The following NLRP5 variants were observed in gnomAD, a reference collection of about 807,000 sequenced individuals.
NLRP5 encodes the protein NACHT, LRR and PYD domains-containing protein 5.
Under a neutral mutation model 113.1 loss-of-function variants are expected in NLRP5, and 93 were observed. That is an observed-to-expected ratio of 0.82 (90% CI 0.70 to 0.98). The LOEUF (loss-of-function observed/expected upper bound fraction) is 0.98, where lower values mean the gene tolerates loss of function less well. Ranked by LOEUF, NLRP5 falls within the 50% of genes least tolerant of loss-of-function variation. The pLI, the probability that NLRP5 is intolerant of heterozygous loss-of-function variation, is 0.00. For synonymous variants in NLRP5, 751 were observed against 600.7 expected (o/e 1.25, Z -3.66); for missense variants, 1,808 against 1,514.3 (o/e 1.19, Z -3.22).
intron 13 of NLRP5, 47 bp from the exon 14 acceptor site, chr19:56,058,175 ACGGGTTGAATGAAGGGTC>A: frequency 8.3e-7 from 1 of 1,209,004 alleles, no homozygotes; most frequent in Non-Finnish European, 1.1e-6. Context: ...TGAAATTCAT[ACGGGTTGAATGAAGGGTC>A]CATCATCGAT....
chr19:56,017,380 GTTATA>G (rs75771208), intron 4 of NLRP5, among the ~76,000 whole-genome samples: 36,649 of 151,670 alleles, frequency 0.24, 4,777 homozygotes, highest in East Asian at 0.4. Flanking sequence ...AAGGTGGGAA[GTTATA>G]TTATATTTCA....
intron 3 of NLRP5, among the ~76,000 whole-genome samples, chr19:56,012,078 A>G (rs996895149): frequency 6.6e-6 from 1 of 152,112 alleles, no homozygotes; most frequent in Non-Finnish European, 1.5e-5. Flanking sequence ...ATGTATTATG[A>G]TGCTCAAGAC....
intron 2 of NLRP5, among the ~76,000 whole-genome samples, chr19:56,005,093 C>CAAAAA (rs1163132309): frequency 1.3e-5 from 1 of 76,430 alleles, no homozygotes; most frequent in African/African-American, 5.3e-5. Context: ...GACTGTGTCT[C>CAAAAA]AAAAAAAAAA....
chr19:56,032,203 T>A (rs1482264262), intron 7 of NLRP5, among the ~76,000 whole-genome samples: 3 of 150,468 alleles, frequency 2.0e-5, no homozygotes, highest in African/African-American at 7.3e-5. Flanking sequence ...AAATTAGCTG[T>A]GCATGATGGC....
chr19:56,028,885 C>G (rs1461915541), intron 7 of NLRP5, among the ~76,000 whole-genome samples: 1 of 152,156 alleles, frequency 6.6e-6, no homozygotes, highest in Non-Finnish European at 1.5e-5. Context: ...CTGCCTCAGG[C>G]TGCCGAGGAG....
Position 56,003,938 on chromosome 19 carries a change from T to C in NLRP5, c.285T>C (p.Ser95=). The change falls in exon 2 of 15, where the codon TCT becomes TCC. Residue 95 remains serine (S), a synonymous_variant. Coordinates refer to ENST00000390649, the MANE Select transcript of NLRP5 (RefSeq NM_153447.4). ...AATCTTCAGAATCGACCACATGCTC[T>C]ATTCCACAGTTTGAAATCGAGAATG... 1.9e-6 allele frequency: 3 copies of C among 1,614,026 alleles called. No individual in the cohort carries two copies.
chr19:55,992,855 CT>C, the NLRP5 span, among the ~76,000 whole-genome samples: 128,880 of 150,028 alleles, frequency 0.86, 55,577 homozygotes, highest in African/African-American at 0.95. Context: ...TTTATGGAGA[CT>C]TTTTTTTTTT....
chr19:56,020,071 G>A (rs55761271), intron 5 of NLRP5, among the ~76,000 whole-genome samples: 4,290 of 151,770 alleles, frequency 0.028, 285 homozygotes, highest in African/African-American at 0.098. Context: ...TCGTGACCTC[G>A]GCTGCCCACC....
upstream of NLRP5, among the ~76,000 whole-genome samples, chr19:55,998,692 A>ATATGTGTGTG (rs1555762413): frequency 1.9e-5 from 1 of 51,504 alleles, no homozygotes; most frequent in African/African-American, 6.4e-5. Context: ...ATATATATAT[A>ATATGTGTGTG]TATATATATA....
Position 56,053,723 on chromosome 19 carries a change from C to G in NLRP5, c.3214C>G (p.Leu1072Val), listed in dbSNP as rs1984019841. Residue 1072 changes from leucine (L) to valine (V), a missense_variant, in exon 13 of 15, where the codon CTC becomes GTC. Transcript: ENST00000390649. ...GAGCAGACACCTGAAGAGCCTGGAT[C>G]TCACGGACAATGCCCTGGGTGACGG... 1 of 1,613,974 alleles carries G rather than the reference C, an allele frequency of 6.2e-7. No individual in the cohort carries two copies. The highest frequency in any genetic ancestry group is 8.5e-7 in the Non-Finnish European group (1 of 1,179,886).
At chr19:56,007,961 C>A (rs567349381) in intron 2 of NLRP5, among the ~76,000 whole-genome samples, 1 of 127,410 alleles carries the variant, frequency 7.8e-6, no homozygotes. Context: ...CTCTGTCGCC[C>A]AGGCTGGGCT....
chr19:56,044,903 C>T lies in NLRP5; in HGVS notation c.2957+3811C>T, dbSNP rs145271630. On this transcript the variant is annotated intron_variant, in intron 11 of 14. Coordinates refer to ENST00000390649, the MANE Select transcript of NLRP5 (RefSeq NM_153447.4). Reference sequence around the variant, plus strand: ...TCTTTCAGCAATGTTTTGTAGTTTTCCTTGTAGAGGTCTTTTACCTCCTTG... The same window carrying T: ...TCTTTCAGCAATGTTTTGTAGTTTTTCTTGTAGAGGTCTTTTACCTCCTTG... 2.4e-3 allele frequency among the ~76,000 whole-genome samples: 360 copies of T among 152,244 alleles called. 8 individuals are homozygous for T. The East Asian group carries it at 0.054, about 23-fold the overall frequency.
rs140570438 is a variant in NLRP5, at chr19:56,007,869, T to TTGTG, written c.443-902_443-899dup. ...ATGCTTCCAAAGTGTACAAGACAGTTTGTGTGTGTGTGTGTGTGTGCGCGT... is the reference window on the plus strand; with the variant it reads ...ATGCTTCCAAAGTGTACAAGACAGTTTGTGTGTGTGTGTGTGTGTGTGTGCGCGT... On this transcript the variant is annotated intron_variant, in intron 2 of 14. Transcript: ENST00000390649. Among the ~76,000 whole-genome samples, 122 of 85,984 alleles carry TTGTG rather than the reference T, an allele frequency of 1.4e-3. 11 individuals are homozygous for TTGTG. The highest frequency in any genetic ancestry group is 3.7e-3 in the African/African-American group (89 of 23,904). 56.4% of individuals were successfully genotyped at this position (85,984 alleles called of 152,430 possible).
At chr19:56,022,431 G>A (rs1047579039) in intron 6 of NLRP5, among the ~76,000 whole-genome samples, 1 of 152,080 alleles carries the variant, frequency 6.6e-6, no homozygotes, top group African/African-American at 2.4e-5. Flanking sequence ...GTCTCGCTAT[G>A]TTGCTCAGTC....
upstream of NLRP5, among the ~76,000 whole-genome samples, chr19:55,998,214 A>AGGTGTGG (rs2123256302): frequency 6.6e-6 from 1 of 152,040 alleles, no homozygotes; most frequent in South Asian, 2.1e-4. Context: ...ATAAGAAACC[A>AGGTGTGG]GGTGTGGGGT....
intron 13 of NLRP5, among the ~76,000 whole-genome samples, chr19:56,054,296 G>A (rs569044866): frequency 2.6e-5 from 4 of 152,262 alleles, no homozygotes; most frequent in Admixed American, 6.5e-5. Flanking sequence ...AGGGGCTCAC[G>A]CCTGTAACAC....
chr19:56,047,035 A>C (rs960686381), intron 11 of NLRP5, among the ~76,000 whole-genome samples: 1 of 141,430 alleles, frequency 7.1e-6, no homozygotes, highest in Non-Finnish European at 1.5e-5. Context: ...TATGTGCATA[A>C]AGGTGTTCCT....
intron 6 of NLRP5, among the ~76,000 whole-genome samples, chr19:56,024,108 G>A (rs1006464977): frequency 1.3e-5 from 2 of 152,050 alleles, no homozygotes; most frequent in African/African-American, 4.8e-5. Flanking sequence ...GTTGAAGTTT[G>A]TGATAAATGT....
intron 10 of NLRP5, among the ~76,000 whole-genome samples, chr19:56,038,998 C>T (rs1197695310): frequency 6.6e-6 from 1 of 152,072 alleles, no homozygotes; most frequent in Non-Finnish European, 1.5e-5. Context: ...GATAACTGAT[C>T]TAGGGAGGGG....
Sources: allele counts gnomAD v4.1 joint callset (sites outside exome capture counted in the v4.1 genomes callset), GRCh38; gene constraint gnomAD v4.1.1; transcripts MANE v1.5; gene names NCBI Gene and HGNC (gene_info 2026-07-23, HGNC 2026-07-21).